The following SPDYA variants were observed in gnomAD, a reference collection of about 807,000 sequenced individuals.
SPDYA encodes the protein speedy/RINGO cell cycle regulator family member A.
SPDYA carries 11 observed loss-of-function variants against 36.7 expected under a neutral mutation model. The ratio of observed to expected loss-of-function variants is 0.30; its 90% confidence interval spans 0.19 to 0.50. SPDYA has a LOEUF of 0.50. SPDYA is among the 20% of genes least tolerant of loss of function. SPDYA has a pLI of 0.98. For missense variants in SPDYA, 287 were observed against 370.9 expected, an observed-to-expected ratio of 0.77 and a Z score of 1.86; for synonymous variants, 115 against 118.7, an observed-to-expected ratio of 0.97 and a Z score of 0.20.
chr2:28,828,057 G>A (rs1049627493), intron 5 of SPDYA, among the ~76,000 whole-genome samples: 1 of 151,264 alleles, frequency 6.6e-6, no homozygotes, highest in African/African-American at 2.4e-5. Context: ...AATCTCGGTG[G>A]CTCACTGTAA....
At chr2:28,848,923 G>A (rs915013972) in intron 7 of SPDYA, among the ~76,000 whole-genome samples, 2 of 152,010 alleles carry the variant, frequency 1.3e-5, no homozygotes, top group African/African-American at 2.4e-5. Context: ...GCATGTGCCT[G>A]TAGTCCAACT....
chr2:28,822,481 G>C, intron 5 of SPDYA, 71 bp downstream of exon 5: 1 of 760,226 alleles, frequency 1.3e-6, no homozygotes, highest in East Asian at 3.2e-5. Flanking sequence ...TAAAACAGAG[G>C]CTATTTAAAA....
intron 5 of SPDYA, among the ~76,000 whole-genome samples, chr2:28,826,299 G>A (rs1167416111): frequency 6.6e-6 from 1 of 151,890 alleles, no homozygotes; most frequent in Non-Finnish European, 1.5e-5. Flanking sequence ...ACCATGCCTG[G>A]TTAACTTTTG....
chr2:28,828,430 A>C (rs568400197), intron 5 of SPDYA, among the ~76,000 whole-genome samples: 22 of 152,326 alleles, frequency 1.4e-4, no homozygotes, highest in Admixed American at 1.2e-3. Flanking sequence ...TTCATTGTAC[A>C]CATTGTAGTT....
intron 3 of SPDYA, among the ~76,000 whole-genome samples, chr2:28,816,942 G>A (rs1327942942): frequency 6.6e-6 from 1 of 151,962 alleles, no homozygotes; most frequent in Non-Finnish European, 1.5e-5. Context: ...AAAATATTTG[G>A]AGTAATGAAT....
Position 28,847,745 on chromosome 2 carries a change from C to CAAAA in SPDYA, c.851-2096_851-2093dup, listed in dbSNP as rs10648612. ...TGGGCAACAGAGCAAGACTCTGTCT[C>CAAAA]AAAAAAAAAAAAGAAAAAGAAAAAG... On this transcript the variant is annotated intron_variant, in intron 7 of 7. Coordinates refer to ENST00000334056, the MANE Select transcript of SPDYA (RefSeq NM_182756.4). Among the ~76,000 whole-genome samples the CAAAA allele has an allele frequency of 6.5e-5, 9 of 137,460 alleles. No individual in the cohort carries two copies. In the South Asian group the frequency reaches 7.2e-4, roughly 11 times the overall value. 90.2% of individuals were successfully genotyped at this position (137,460 alleles called of 152,430 possible).
At chr2:28,826,949 C>CTTT (rs1309143694) in intron 5 of SPDYA, among the ~76,000 whole-genome samples, 240 of 113,810 alleles carry the variant, frequency 2.1e-3, no homozygotes, top group South Asian at 3.8e-3. Flanking sequence ...TCTTTTCTTT[C>CTTT]TTTTTTTTTT....
intron 1 of SPDYA, among the ~76,000 whole-genome samples, chr2:28,812,650 A>T (rs1398295271): frequency 6.6e-6 from 1 of 151,988 alleles, no homozygotes; most frequent in Non-Finnish European, 1.5e-5. Context: ...TCAGGTCAGG[A>T]GTTGGAGACC....
Position 28,840,403 on chromosome 2 carries a change from G to GACTCATA in SPDYA, c.785_791dup (p.Tyr264Ter). ...AGGGGTGACAGAAAAACATTCTCAG[G>GACTCATA]ACTCATACAACTCACTGTCAATGGA... On this transcript the variant is annotated stop_gained and frameshift_variant, in exon 7 of 8. Transcript: ENST00000334056. LOFTEE classifies it high-confidence loss of function. 6.2e-7 allele frequency: 1 copy of GACTCATA among 1,613,692 alleles called. No individual in the cohort carries two copies. Among genetic ancestry groups the GACTCATA allele is most frequent in the East Asian group, 2.2e-5 (1 of 44,858 alleles).
chr2:28,850,149 C>T lies in SPDYA; in HGVS notation c.*208C>T, dbSNP rs558873024. ...AAGCAGTGATTTTCAATATAAAGTTCTATTTTGATATTTTTCCATCTTCAA... is the reference window on the plus strand; with the variant it reads ...AAGCAGTGATTTTCAATATAAAGTTTTATTTTGATATTTTTCCATCTTCAA... On this transcript the variant is annotated 3_prime_UTR_variant, in exon 8 of 8. Transcript: ENST00000334056. 4.6e-6 allele frequency: 7 copies of T among 1,521,412 alleles called. No homozygotes were observed. The highest frequency in any genetic ancestry group is 3.6e-5 in the Admixed American group (2 of 55,594). 94.2% of individuals were successfully genotyped at this position (1,521,412 alleles called of 1,614,324 possible).
intron 7 of SPDYA, among the ~76,000 whole-genome samples, chr2:28,841,466 A>C (rs1220438197): frequency 6.6e-6 from 1 of 152,144 alleles, no homozygotes; most frequent in African/African-American, 2.4e-5. Context: ...ATATTCTACT[A>C]TCAGTGATCC....
At chr2:28,815,414 T>C (rs1256983375) in intron 2 of SPDYA, among the ~76,000 whole-genome samples, 2 of 152,098 alleles carry the variant, frequency 1.3e-5, no homozygotes, top group East Asian at 3.8e-4. Flanking sequence ...CATTTTTTGC[T>C]AGAATTGCTT....
rs192979417 is a variant in SPDYA, at chr2:28,830,775, C to A, written c.552+1456C>A. ...ATATATTGTTTCCTTAATGCCAAAT[C>A]TTTTAGGATAAATCAGCAAGACACT... On this transcript the variant is annotated intron_variant, in intron 6 of 7. Transcript: ENST00000334056. 1.0e-3 allele frequency among the ~76,000 whole-genome samples: 158 copies of A among 152,214 alleles called. 1 individual carries two copies. Among genetic ancestry groups the A allele is most frequent in the African/African-American group, 3.7e-3 (152 of 41,560 alleles).
chr2:28,822,260 T>A, intron 4 of SPDYA, 65 bp from the exon 5 acceptor site: 1 of 695,248 alleles, frequency 1.4e-6, no homozygotes, highest in Non-Finnish European at 2.3e-6. Context: ...AAGTTAACTA[T>A]TTTAAAGCAG....
chr2:28,819,820 TAAAAAAAAAAA>T (rs1174507151), intron 4 of SPDYA, among the ~76,000 whole-genome samples: 5 of 17,216 alleles, frequency 2.9e-4, no homozygotes, highest in East Asian at 3.0e-3. Context: ...CCTGGTCTCT[TAAAAAAAAAAA>T]AAAAAAAAAA....
At chr2:28,827,573 T>C (rs1418957014) in intron 5 of SPDYA, among the ~76,000 whole-genome samples, 2 of 152,174 alleles carry the variant, frequency 1.3e-5, no homozygotes, top group East Asian at 3.8e-4. Flanking sequence ...GAAAGTCATC[T>C]GTGAGACTTG....
At chr2:28,818,395 G>A (rs1212902331) in intron 3 of SPDYA, among the ~76,000 whole-genome samples, 2 of 137,812 alleles carry the variant, frequency 1.5e-5, no homozygotes, top group East Asian at 4.3e-4. Flanking sequence ...CTTGAGCCCA[G>A]AAGTTCAAGG....
chr2:28,823,745 A>ATATATATATATATATAT (rs1491479223), intron 5 of SPDYA, among the ~76,000 whole-genome samples: 20 of 42,846 alleles, frequency 4.7e-4, no homozygotes, highest in South Asian at 1.0e-3. Flanking sequence ...ATATATATAT[A>ATATATATATATATATAT]AAATTTTTTT....
intron 6 of SPDYA, among the ~76,000 whole-genome samples, chr2:28,834,081 AACACACACACACACACACACAC>A: frequency 6.8e-6 from 1 of 146,978 alleles, no homozygotes; most frequent in East Asian, 2.0e-4. Flanking sequence ...AAATTGCTAA[AACACACACACACACACACACAC>A]ACACACACAC....
Sources: gnomAD v4.1 joint callset for allele counts (sites outside exome capture counted in the v4.1 genomes callset) on GRCh38, gnomAD v4.1.1 for gene constraint, MANE v1.5 for transcripts, NCBI Gene and HGNC (gene_info 2026-07-23, HGNC 2026-07-21) for gene names.